The following DCC variants were observed in gnomAD, a reference collection of about 807,000 sequenced individuals.
DCC encodes DCC netrin 1 receptor, also known as netrin receptor DCC.
In DCC, 58 loss-of-function variants were observed where a neutral mutation model predicts 172.5. The observed-to-expected ratio is 0.34, with a 90% confidence interval of 0.27 to 0.42. The LOEUF (loss-of-function observed/expected upper bound fraction) is 0.42, where lower values mean the gene tolerates loss of function less well. Among genes scored for constraint, DCC ranks in the 10% least tolerant of loss-of-function variants. DCC has a pLI of 1.00. For synonymous variants in DCC, 709 were observed against 644.5 expected (o/e 1.10, Z -1.52); for missense variants, 1,740 against 1,791.0 (o/e 0.97, Z 0.51).
chr18:53,070,477 A>T (rs978635522), intron 7 of DCC, among the ~76,000 whole-genome samples: 1 of 152,164 alleles, frequency 6.6e-6, no homozygotes, highest in Non-Finnish European at 1.5e-5. Flanking sequence ...CCCATTATAG[A>T]TGTTCAATTT....
chr18:53,059,147 C>A (rs984987741), intron 5 of DCC, among the ~76,000 whole-genome samples: 4 of 152,042 alleles, frequency 2.6e-5, no homozygotes, highest in African/African-American at 9.7e-5. Context: ...CTTGTGAGAA[C>A]TCGCTCACTA....
intron 11 of DCC, among the ~76,000 whole-genome samples, chr18:53,215,059 A>G (rs1471387739): frequency 6.6e-6 from 1 of 152,196 alleles, no homozygotes; most frequent in Non-Finnish European, 1.5e-5. Flanking sequence ...ACTGAGAAGT[A>G]TTTCTTCTTT....
intron 5 of DCC, among the ~76,000 whole-genome samples, chr18:52,987,306 C>A (rs1400118905): frequency 6.6e-6 from 1 of 152,086 alleles, no homozygotes; most frequent in African/African-American, 2.4e-5. Flanking sequence ...CAAAAACAAA[C>A]AAACAAACAA....
chr18:53,307,685 A>G (rs1459897084), intron 13 of DCC, among the ~76,000 whole-genome samples: 2 of 151,682 alleles, frequency 1.3e-5, no homozygotes, highest in African/African-American at 4.8e-5. Context: ...TACGCAGCCA[A>G]TAAAGATGAT....
chr18:53,157,316 G>T (rs2054755200), intron 7 of DCC, 40 bp from the exon 8 acceptor site: 1 of 1,613,218 alleles, frequency 6.2e-7, no homozygotes, highest in Non-Finnish European at 8.5e-7. Context: ...CTTACCTATG[G>T]CAGCGACACC....
At chr18:53,255,220 CTATTAT>C (rs764216213) in intron 12 of DCC, among the ~76,000 whole-genome samples, 1 of 149,804 alleles carries the variant, frequency 6.7e-6, no homozygotes, top group Non-Finnish European at 1.5e-5. Flanking sequence ...GTTTTTTTTT[CTATTAT>C]TATTATACTT....
In DCC at chr18:52,668,389, G is replaced by T. The variant is rs558911248; in HGVS notation, c.92-83665G>T. 3.3e-5 allele frequency among the ~76,000 whole-genome samples: 5 copies of T among 152,270 alleles called. No homozygotes were observed. The East Asian group carries it at 9.7e-4, about 29-fold the overall frequency. On this transcript the variant is annotated intron_variant, in intron 1 of 28. Transcript: ENST00000442544. ...GGACAGGAGGTACAGAACAAAAAGG[G>T]CATTTTCACATCTACTCAGACTACA...
intron 5 of DCC, among the ~76,000 whole-genome samples, chr18:53,001,537 A>G (rs1357404101): frequency 1.3e-5 from 2 of 152,124 alleles, no homozygotes; most frequent in African/African-American, 4.8e-5. Flanking sequence ...TGCATTTGAA[A>G]ATAAAACGTT....
chr18:53,097,691 A>G (rs753120274), intron 7 of DCC, among the ~76,000 whole-genome samples: 80 of 152,106 alleles, frequency 5.3e-4, no homozygotes, highest in Non-Finnish European at 9.6e-4. Flanking sequence ...ACAGTTCTGG[A>G]GGTTAGAAGT....
At chr18:52,547,207 T>C (rs943693304) in intron 1 of DCC, among the ~76,000 whole-genome samples, 34 of 152,206 alleles carry the variant, frequency 2.2e-4, no homozygotes, top group African/African-American at 7.7e-4. Context: ...ACTGATATTC[T>C]TGCCAAATTG....
intron 5 of DCC, among the ~76,000 whole-genome samples, chr18:52,977,914 G>GAAAAAGA (rs1555691174): frequency 8.9e-5 from 13 of 145,634 alleles, no homozygotes. Context: ...AAAAGAAAAA[G>GAAAAAGA]AAAAAAAAAG....
chr18:53,448,563 C>A (rs1432556115), intron 22 of DCC, among the ~76,000 whole-genome samples: 3 of 152,096 alleles, frequency 2.0e-5, no homozygotes, highest in Admixed American at 6.6e-5. Context: ...AGCCAAATCA[C>A]GTCAGTATTA....
chr18:53,318,239 C>T (rs1406420599), intron 13 of DCC, among the ~76,000 whole-genome samples: 1 of 152,124 alleles, frequency 6.6e-6, no homozygotes, highest in Non-Finnish European at 1.5e-5. Context: ...TCTTTATTTA[C>T]CCAGTAGGCA....
At chr18:53,245,060 T>C (rs2144646052) in intron 12 of DCC, among the ~76,000 whole-genome samples, 1 of 152,204 alleles carries the variant, frequency 6.6e-6, no homozygotes, top group Non-Finnish European at 1.5e-5. Flanking sequence ...CATGAGAAAA[T>C]GTAATTAGAG....
chr18:52,687,593 T>G (rs2035862710), intron 1 of DCC, among the ~76,000 whole-genome samples: 1 of 151,976 alleles, frequency 6.6e-6, no homozygotes, highest in Non-Finnish European at 1.5e-5. Context: ...TGTAGATACT[T>G]TTGCAAATAA....
At chr18:52,980,678 GA>G (rs2041195822) in intron 5 of DCC, among the ~76,000 whole-genome samples, 2 of 151,908 alleles carry the variant, frequency 1.3e-5, no homozygotes, top group Admixed American at 1.3e-4. Flanking sequence ...TAAATATTAT[GA>G]AAACTTATAT....
chr18:52,821,336 CCTT>C (rs1444878677), intron 2 of DCC, among the ~76,000 whole-genome samples: 1 of 152,182 alleles, frequency 6.6e-6, no homozygotes, highest in Non-Finnish European at 1.5e-5. Flanking sequence ...CTCTTCCCCT[CCTT>C]CATCATTTGC....
intron 1 of DCC, among the ~76,000 whole-genome samples, chr18:52,496,674 G>A (rs944653840): frequency 1.3e-5 from 2 of 152,000 alleles, no homozygotes; most frequent in Non-Finnish European, 2.9e-5. Flanking sequence ...GTGGAGGGAA[G>A]ACATGCATAT....
At chr18:52,855,665 G>A (rs1412375253) in intron 2 of DCC, among the ~76,000 whole-genome samples, 1 of 151,964 alleles carries the variant, frequency 6.6e-6, no homozygotes, top group Non-Finnish European at 1.5e-5. Flanking sequence ...AAGTTAATAA[G>A]CCTGAGCAAT....
Sources: gnomAD v4.1 joint callset for allele counts (sites outside exome capture counted in the v4.1 genomes callset) on GRCh38, gnomAD v4.1.1 for gene constraint, MANE v1.5 for transcripts, NCBI Gene and HGNC (gene_info 2026-07-23, HGNC 2026-07-21) for gene names.